PPFIBP1: variants seen among roughly 807,000 people sequenced by gnomAD.
PPFIBP1 encodes the protein liprin-beta-1.
In PPFIBP1, 112 loss-of-function variants were observed where a neutral mutation model predicts 137.8. The ratio of observed to expected loss-of-function variants is 0.81; its 90% CI spans 0.70 to 0.95. The LOEUF is 0.95. Among genes scored for constraint, PPFIBP1 ranks in the 40% least tolerant of loss-of-function variants. The pLI, the probability that PPFIBP1 is intolerant of heterozygous loss-of-function variation, is 0.00. For missense variants in PPFIBP1, 1,083 were observed against 1,196.6 expected (o/e 0.91, Z 1.40); for synonymous variants, 378 against 417.3 (o/e 0.91, Z 1.15).
At chr12:27,683,058 GA>G (rs973545026) in intron 24 of PPFIBP1, among the ~76,000 whole-genome samples, 1 of 152,046 alleles carries the variant, frequency 6.6e-6, no homozygotes, top group African/African-American at 2.4e-5. Context: ...ATCTCATAAA[GA>G]TTTTTTTTGT....
rs765481651 is a variant in PPFIBP1, at chr12:27,692,846, C to T, written c.2982C>T (p.Pro994=). Reference sequence around the variant, plus strand: ...TTAAAGATTTTGCTGCCCGTTCCCCCAGTGCCAGCATTACAGATGAAGACT... The same window carrying T: ...TTAAAGATTTTGCTGCCCGTTCCCCTAGTGCCAGCATTACAGATGAAGACT... ...DMFKDFAARS[P]SASITDEDSN... Residue 994 remains proline (P), a synonymous_variant, in exon 30 of 30, where the codon CCC becomes CCT. Transcript: ENST00000228425. 4.3e-6 allele frequency: 7 copies of T among 1,614,036 alleles called. No individual in the cohort carries two copies. Among genetic ancestry groups the T allele is most frequent in the African/African-American group, 1.3e-5 (1 of 74,928 alleles).
intron 1 of PPFIBP1, among the ~76,000 whole-genome samples, chr12:27,554,644 A>C (rs975060225): frequency 2.0e-5 from 3 of 152,216 alleles, no homozygotes; most frequent in African/African-American, 7.2e-5. Flanking sequence ...GCAGAAGCCA[A>C]ATCTGTGATA....
At chr12:27,652,471 T>A (rs1435926275) in intron 7 of PPFIBP1, among the ~76,000 whole-genome samples, 1 of 152,238 alleles carries the variant, frequency 6.6e-6, no homozygotes, top group Non-Finnish European at 1.5e-5. Flanking sequence ...GAACTTCTGA[T>A]AAGAAATTGA....
chr12:27,645,984 A>C, intron 4 of PPFIBP1, 78 bp from the exon 5 acceptor site: 1 of 1,096,602 alleles, frequency 9.1e-7, no homozygotes, highest in Non-Finnish European at 1.4e-6. Context: ...TGGACTAAGA[A>C]CACTTGTGAT....
At chr12:27,655,096 T>C (rs1175159511) in intron 8 of PPFIBP1, 1 of 1,366,240 alleles carries the variant, frequency 7.3e-7, no homozygotes, top group African/African-American at 1.4e-5. Context: ...ATTTAGCTTG[T>C]CTTTTTCTAT....
At position 27,664,466 on chromosome 12, in the gene PPFIBP1, GT is replaced by G; in HGVS notation, c.991+25del. 1.3e-6 allele frequency: 2 copies of G among 1,546,120 alleles called. No homozygotes were observed. Among genetic ancestry groups the G allele is most frequent in the Admixed American group, 1.8e-5 (1 of 55,522 alleles). On this transcript the variant is annotated intron_variant, in intron 12 of 29. Transcript: ENST00000228425. ...AAAAAGGTAGAGTGTAGCTCTAAAAGTTTTTCTACTTTGGTTGACTCTAAGT... is the reference window on the plus strand; with the variant it reads ...AAAAAGGTAGAGTGTAGCTCTAAAAGTTTTCTACTTTGGTTGACTCTAAGT...
At chr12:27,688,991 G>C (rs575658031) in intron 26 of PPFIBP1, 24 bp from the exon 27 acceptor site, 1 of 1,485,402 alleles carries the variant, frequency 6.7e-7, no homozygotes, top group African/African-American at 1.4e-5. Flanking sequence ...CTTTTGACAA[G>C]CTTTTTTTTT....
At chr12:27,600,561 A>G (rs77270819) in intron 2 of PPFIBP1, among the ~76,000 whole-genome samples, 1 of 149,544 alleles carries the variant, frequency 6.7e-6, no homozygotes, top group African/African-American at 2.5e-5. Context: ...TGTATCTTTG[A>G]AAAAAAAAAC....
chr12:27,682,810 T>C, intron 24 of PPFIBP1, 107 bp downstream of exon 24: 1 of 1,551,650 alleles, frequency 6.4e-7, no homozygotes, highest in Non-Finnish European at 8.7e-7. Context: ...CACCAGAGTT[T>C]GAAGCTGTTG....
At chr12:27,630,944 G>T (rs2057220840) in intron 2 of PPFIBP1, among the ~76,000 whole-genome samples, 1 of 152,042 alleles carries the variant, frequency 6.6e-6, no homozygotes, top group East Asian at 1.9e-4. Context: ...CTTCATTACT[G>T]CCTTTGGATT....
chr12:27,678,691 C>G (rs1413606267), intron 19 of PPFIBP1, among the ~76,000 whole-genome samples: 1 of 151,782 alleles, frequency 6.6e-6, no homozygotes, highest in Non-Finnish European at 1.5e-5. Flanking sequence ...AACCCTGTCT[C>G]TACTAAAAAT....
intron 2 of PPFIBP1, among the ~76,000 whole-genome samples, chr12:27,629,822 T>G (rs1026691320): frequency 5.9e-5 from 9 of 152,134 alleles, no homozygotes; most frequent in African/African-American, 2.2e-4. Flanking sequence ...GCTCAAACCA[T>G]GGGCAAGGCA....
intron 3 of PPFIBP1, among the ~76,000 whole-genome samples, chr12:27,633,994 G>A (rs1255861088): frequency 6.6e-6 from 1 of 151,298 alleles, no homozygotes; most frequent in African/African-American, 2.4e-5. Context: ...CCACCACCAC[G>A]CCTGGCTAAT....
intron 1 of PPFIBP1, among the ~76,000 whole-genome samples, chr12:27,552,945 A>T (rs1946925759): frequency 6.6e-6 from 1 of 151,934 alleles, no homozygotes; most frequent in African/African-American, 2.4e-5. Flanking sequence ...CACCTGGGGG[A>T]TGGTGGAGGA....
At chr12:27,548,274 C>A in intron 1 of PPFIBP1, 1 of 152,140 alleles carries the variant, frequency 6.6e-6, no homozygotes, top group East Asian at 1.9e-4. Context: ...GTCGCCGTAA[C>A]AAAAGGCAAG....
chr12:27,565,060 C>T (rs2136489890), intron 1 of PPFIBP1, among the ~76,000 whole-genome samples: 1 of 152,338 alleles, frequency 6.6e-6, no homozygotes, highest in Middle Eastern at 3.4e-3. Flanking sequence ...CCATTTCCTT[C>T]AGTAGCTCTT....
chr12:27,648,888 A>G (rs1005185338), intron 6 of PPFIBP1, among the ~76,000 whole-genome samples: 7 of 152,164 alleles, frequency 4.6e-5, no homozygotes, highest in African/African-American at 1.7e-4. Context: ...GAGGATGGCG[A>G]AGGGGTACAA....
chr12:27,544,942 T>TCACA (rs1175041936), intron 1 of PPFIBP1, among the ~76,000 whole-genome samples: 129 of 152,356 alleles, frequency 8.5e-4, no homozygotes, highest in African/African-American at 2.9e-3. Flanking sequence ...CACGTGTGTT[T>TCACA]ATTGCAGCAC....
intron 1 of PPFIBP1, among the ~76,000 whole-genome samples, chr12:27,559,544 G>A (rs187771467): frequency 1.1e-4 from 16 of 152,140 alleles, no homozygotes; most frequent in African/African-American, 2.4e-4. Context: ...AGCTGTATTC[G>A]CTTAATTCTT....
Sources: gnomAD v4.1 joint callset for allele counts (sites outside exome capture counted in the v4.1 genomes callset) on GRCh38, gnomAD v4.1.1 for gene constraint, MANE v1.5 for transcripts, NCBI Gene and HGNC (gene_info 2026-07-23, HGNC 2026-07-21) for gene names.